The following CYP3A4 variants were observed in gnomAD, a reference collection of about 807,000 sequenced individuals.
CYP3A4 encodes the protein cytochrome P450 family 3 subfamily A member 4, also known as cytochrome P450 3A4.
CYP3A4 carries 41 observed loss-of-function variants against 54.9 expected under a neutral mutation model. The observed-to-expected ratio is 0.75, with a 90% CI of 0.58 to 0.97. The LOEUF (loss-of-function observed/expected upper bound fraction) is 0.97, where lower values mean the gene tolerates loss of function less well. Among genes scored for constraint, CYP3A4 ranks in the 50% least tolerant of loss-of-function variants. The probability of loss-of-function intolerance (pLI) is 0.00; values close to 1 mark genes in which losing one functional copy is unlikely to be tolerated. For synonymous variants in CYP3A4, 179 were observed against 205.2 expected (o/e 0.87, Z 1.09); for missense variants, 510 against 597.3 (o/e 0.85, Z 1.52).
At chr7:99,775,377 T>C (rs933525442) in intron 3 of CYP3A4, among the ~76,000 whole-genome samples, 5 of 152,140 alleles carry the variant, frequency 3.3e-5, no homozygotes, top group Non-Finnish European at 7.4e-5. Flanking sequence ...AGAGCCCACA[T>C]AGACAAGACA....
chr7:99,767,548 T>A (rs1438000347), intron 7 of CYP3A4, among the ~76,000 whole-genome samples: 6 of 152,208 alleles, frequency 3.9e-5, no homozygotes, highest in Admixed American at 3.9e-4. Context: ...TGCCTTTATC[T>A]ATTGGACTAC....
intron 6 of CYP3A4, among the ~76,000 whole-genome samples, chr7:99,768,882 A>C (rs769685422): frequency 6.6e-6 from 1 of 152,204 alleles, no homozygotes; most frequent in Non-Finnish European, 1.5e-5. Flanking sequence ...AAGGGGCTCA[A>C]GACAGGTGAT....
chr7:99,769,903 A>G (rs779928400), intron 5 of CYP3A4, 47 bp from the exon 6 acceptor site: 1 of 1,613,248 alleles, frequency 6.2e-7, no homozygotes, highest in South Asian at 1.1e-5. Context: ...TGCAGACTCT[A>G]GTCCCAGAAG....
rs546282579 is a variant in CYP3A4 at position 99,769,847 on chromosome 7, T to C, written c.442A>G (p.Ile148Val). ...TSGKLKEMVP[I>V]IAQYGDVLVR... The stretch of plus-strand genomic sequence containing the variant: ...AACACATCTCCATACTGGGCAATGA[T>C]AGGGACCATCTAAGCACAAAACACA... The change falls in exon 6 of 13, where the codon ATC becomes GTC. Residue 148 changes from isoleucine (I) to valine (V), a missense_variant. Physicochemically the swap from Ile to Val is conservative, Grantham distance 29. This residue lies in a region of CYP3A4 where 272 missense variants were observed against 274.9 expected (regional missense o/e 0.99). Transcript: ENST00000651514. 3.1e-6 allele frequency: 5 copies of C among 1,614,024 alleles called. No individual in the cohort carries two copies. Among genetic ancestry groups the C allele is most frequent in the East Asian group, 2.2e-5 (1 of 44,874 alleles).
rs142296281 is a variant in CYP3A4 at position 99,772,595 on chromosome 7, G to A, written c.313C>T (p.Arg105Trp). Residue 105 changes from arginine (R) to tryptophan (W), a missense_variant, in exon 4 of 13, where the codon CGG becomes TGG. Transcript: ENST00000651514. ...TTCAACACATGAATGCTTACCCTCCGGTTTGTGAAGACAGAATAACATTCT... is the reference window on the plus strand; with the variant it reads ...TTCAACACATGAATGCTTACCCTCCAGTTTGTGAAGACAGAATAACATTCT... ...VKECYSVFTNRRPFGPVGFMK... is the reference protein window; with the variant it reads ...VKECYSVFTNWRPFGPVGFMK... 36 of 1,612,354 alleles carry A rather than the reference G, an allele frequency of 2.2e-5. No homozygotes were observed. The highest frequency in any genetic ancestry group is 2.5e-5 in the Non-Finnish European group (30 of 1,179,306).
At chr7:99,775,936 C>G (rs894039815) in intron 3 of CYP3A4, among the ~76,000 whole-genome samples, 2 of 152,188 alleles carry the variant, frequency 1.3e-5, no homozygotes, top group African/African-American at 4.8e-5. Flanking sequence ...TTTTTGCAAT[C>G]TATCCATCTG....
At chr7:99,769,985 T>C in intron 5 of CYP3A4, 129 bp from the exon 6 acceptor site, 2 of 1,561,680 alleles carry the variant, frequency 1.3e-6, no homozygotes, top group Non-Finnish European at 1.8e-6. Context: ...TTTCTGTACA[T>C]AAAGATAAAA....
chr7:99,769,712 A>AT, intron 6 of CYP3A4, 56 bp downstream of exon 6: 1 of 1,600,246 alleles, frequency 6.2e-7, no homozygotes. Flanking sequence ...GCTCCATGGC[A>AT]GGCAGCTGGA....
chr7:99,777,647 A>T (rs1438802406), intron 3 of CYP3A4, among the ~76,000 whole-genome samples: 1 of 151,896 alleles, frequency 6.6e-6, no homozygotes, highest in African/African-American at 2.4e-5. Flanking sequence ...TCCCAACATT[A>T]AAAAAAATAT....
intron 6 of CYP3A4, among the ~76,000 whole-genome samples, chr7:99,769,121 T>C (rs1201949916): frequency 6.6e-6 from 1 of 152,162 alleles, no homozygotes; most frequent in African/African-American, 2.4e-5. Context: ...AAAAAAAATC[T>C]CTCAAAATTT....
intron 8 of CYP3A4, 199 bp downstream of exon 8, chr7:99,766,932 C>G: frequency 2.0e-6 from 1 of 488,592 alleles, no homozygotes; most frequent in South Asian, 2.8e-5. Context: ...TGTGCTGTCT[C>G]TGACTCATTC....
Position 99,760,889 on chromosome 7 carries a change from A to G in CYP3A4, c.1346T>C (p.Leu449Pro). The G allele has an allele frequency of 6.2e-7, 1 of 1,614,182 alleles. No homozygotes were observed. The highest frequency in any genetic ancestry group is 8.5e-7 in the Non-Finnish European group (1 of 1,180,000). Residue 449 changes from leucine to proline, a missense_variant, in exon 12 of 13, where the codon CTC (leucine) becomes CCC (proline). By Grantham distance (98) the Leu-to-Pro change is moderately conservative. Transcript: ENST00000651514. ...GATTAGAGCAAGTTTCATGTTCATG[A>G]GAGCAAACCTCATGCCAATGCAGTT... ...PRNCIGMRFALMNMKLALIRV... is the reference protein window; with the variant it reads ...PRNCIGMRFAPMNMKLALIRV...
intron 3 of CYP3A4, among the ~76,000 whole-genome samples, chr7:99,774,852 C>T (rs186012831): frequency 1.3e-5 from 2 of 152,042 alleles, no homozygotes; most frequent in African/African-American, 4.8e-5. Flanking sequence ...GGCAATCAGG[C>T]AAGAGAAAGA....
chr7:99,776,009 C>A (rs1339294520), intron 3 of CYP3A4, among the ~76,000 whole-genome samples: 1 of 152,136 alleles, frequency 6.6e-6, no homozygotes, highest in Non-Finnish European at 1.5e-5. Flanking sequence ...AAAAAGCAAA[C>A]AACCCCATCA....
Position 99,765,486 on chromosome 7 carries a change from T to TGATA in CYP3A4, c.865+887_865+890dup, listed in dbSNP as rs533497412. On this transcript the variant is annotated intron_variant, in intron 9 of 12. Transcript: ENST00000651514. ...GATGGATAGATGATAGATAGATAGA[T>TGATA]GATAGATAGATAGATAGATACATAG... 8.2e-3 allele frequency among the ~76,000 whole-genome samples: 1,220 copies of TGATA among 149,438 alleles called. 19 individuals are homozygous for TGATA. Among genetic ancestry groups the TGATA allele is most frequent in the Admixed American group, 0.02 (296 of 15,040 alleles).
chr7:99,784,037 C>G lies in CYP3A4; in HGVS notation c.45G>C (p.Leu15=). 6.2e-7 allele frequency: 1 copy of G among 1,613,732 alleles called. No homozygotes were observed. Among genetic ancestry groups the G allele is most frequent in the African/African-American group, 1.3e-5 (1 of 74,938 alleles). The part of the protein sequence containing the change: ...PDLAMETWLL[L]AVSLVLLYLY... The stretch of plus-strand genomic sequence containing the variant: ...GATAGAGGAGCACCAGGCTGACAGC[C>G]AGGAGAAGCCAGGTTTCCATGGCCA... The change falls in exon 1 of 13, where the codon CTG becomes CTC. Residue 15 remains leucine (L), a synonymous_variant. Transcript: ENST00000651514.
At chr7:99,760,157 T>A (rs565838103) in intron 12 of CYP3A4, among the ~76,000 whole-genome samples, 16 of 152,252 alleles carry the variant, frequency 1.1e-4, no homozygotes, top group African/African-American at 3.4e-4. Context: ...AATAGAGTTA[T>A]AATTGGGTTG....
chr7:99,779,723 C>T (rs551314425), intron 2 of CYP3A4, among the ~76,000 whole-genome samples: 5 of 152,244 alleles, frequency 3.3e-5, no homozygotes, highest in South Asian at 4.1e-4. Flanking sequence ...TTCTTTATGG[C>T]GCTCACAAAG....
At chr7:99,765,965 T>C (rs1384825970) in intron 9 of CYP3A4, among the ~76,000 whole-genome samples, 2 of 152,168 alleles carry the variant, frequency 1.3e-5, no homozygotes, top group African/African-American at 2.4e-5. Flanking sequence ...GCAAAAGTTA[T>C]TGTGGTTTTT....
Sources: allele counts gnomAD v4.1 joint callset (sites outside exome capture counted in the v4.1 genomes callset), GRCh38; gene constraint gnomAD v4.1.1; regional missense constraint gnomAD v4.1.1; transcripts MANE v1.5; gene names NCBI Gene and HGNC (gene_info 2026-07-23, HGNC 2026-07-21).